The following SAMD4A variants were observed in gnomAD, a reference collection of about 807,000 sequenced individuals.
The protein encoded by SAMD4A is protein Smaug homolog 1.
A neutral mutation model predicts 81.3 loss-of-function variants in SAMD4A; 33 were observed. That is an observed-to-expected ratio of 0.41 (90% CI 0.31 to 0.54). SAMD4A has a LOEUF of 0.54. Among genes scored for constraint, SAMD4A ranks in the 20% least tolerant of loss-of-function variants. The pLI, the probability that SAMD4A is intolerant of heterozygous loss-of-function variation, is 0.37. For missense variants in SAMD4A, 854 were observed against 951.1 expected (o/e 0.90, Z 1.34); for synonymous variants, 389 against 382.1 (o/e 1.02, Z -0.21).
intron 2 of SAMD4A, among the ~76,000 whole-genome samples, chr14:54,673,192 TAA>T (rs1346897968): frequency 2.0e-5 from 3 of 152,136 alleles, no homozygotes; most frequent in African/African-American, 7.2e-5. Context: ...TGCTGAAGAG[TAA>T]AGTTTGCCCC....
chr14:54,733,694 C>G (rs965726883), intron 3 of SAMD4A, among the ~76,000 whole-genome samples: 1 of 152,112 alleles, frequency 6.6e-6, no homozygotes, highest in Admixed American at 6.5e-5. Flanking sequence ...GAACCGTTAG[C>G]CATTGTCTGC....
intron 3 of SAMD4A, among the ~76,000 whole-genome samples, chr14:54,713,959 A>C (rs1175134639): frequency 6.6e-6 from 1 of 152,222 alleles, no homozygotes; most frequent in African/African-American, 2.4e-5. Context: ...AATGAGAATA[A>C]ATTTCAGTAG....
intron 2 of SAMD4A, among the ~76,000 whole-genome samples, chr14:54,608,715 A>C (rs2034281368): frequency 6.6e-6 from 1 of 152,256 alleles, no homozygotes; most frequent in Non-Finnish European, 1.5e-5. Flanking sequence ...CATTCAGAGC[A>C]GCCCAACTGT....
intron 2 of SAMD4A, among the ~76,000 whole-genome samples, chr14:54,654,821 G>A (rs1215380446): frequency 1.3e-5 from 2 of 152,224 alleles, no homozygotes; most frequent in Non-Finnish European, 2.9e-5. Context: ...TCACTCCATG[G>A]TTGGTGCATC....
At chr14:54,684,581 C>T (rs2036205904) in intron 2 of SAMD4A, among the ~76,000 whole-genome samples, 1 of 151,992 alleles carries the variant, frequency 6.6e-6, no homozygotes, top group South Asian at 2.1e-4. Context: ...TCCCTGAGGG[C>T]CTGCCCTGTT....
chr14:54,756,461 T>C (rs2038241285), intron 6 of SAMD4A, among the ~76,000 whole-genome samples: 1 of 152,152 alleles, frequency 6.6e-6, no homozygotes, highest in South Asian at 2.1e-4. Flanking sequence ...TTCCCACAGC[T>C]CCCTGCCCTG....
At chr14:54,614,223 A>T (rs1419831887) in intron 2 of SAMD4A, among the ~76,000 whole-genome samples, 1 of 152,174 alleles carries the variant, frequency 6.6e-6, no homozygotes, top group Non-Finnish European at 1.5e-5. Flanking sequence ...GGAAAAGATA[A>T]TTTTTTTCAT....
At chr14:54,748,057 C>A (rs2038010001) in intron 4 of SAMD4A, among the ~76,000 whole-genome samples, 1 of 152,160 alleles carries the variant, frequency 6.6e-6, no homozygotes, top group African/African-American at 2.4e-5. Flanking sequence ...ATGGCCTAGC[C>A]AATCTTTGGG....
intron 2 of SAMD4A, among the ~76,000 whole-genome samples, chr14:54,675,399 C>T (rs938889915): frequency 9.6e-5 from 11 of 114,598 alleles, no homozygotes; most frequent in African/African-American, 3.3e-4. Flanking sequence ...GCAGAGAATC[C>T]CCTACCATGG....
intron 2 of SAMD4A, among the ~76,000 whole-genome samples, chr14:54,698,982 G>T (rs2036643347): frequency 6.6e-6 from 1 of 151,924 alleles, no homozygotes; most frequent in Non-Finnish European, 1.5e-5. Context: ...TCCAATCAGG[G>T]AAATGACCTA....
At chr14:54,739,055 C>CT (rs3051648) in intron 4 of SAMD4A, among the ~76,000 whole-genome samples, 1,382 of 97,350 alleles carry the variant, frequency 0.014, 67 homozygotes, top group African/African-American at 0.035. Context: ...CTTTCCTTTT[C>CT]TTTTTTTTTT....
At chr14:54,653,291 C>A (rs928364327) in intron 2 of SAMD4A, among the ~76,000 whole-genome samples, 1 of 143,526 alleles carries the variant, frequency 7.0e-6, no homozygotes, top group Non-Finnish European at 1.5e-5. Context: ...GCCCTCAAGA[C>A]TTCCTCTTAA....
chr14:54,609,355 C>T (rs2034299484), intron 2 of SAMD4A, among the ~76,000 whole-genome samples: 1 of 152,204 alleles, frequency 6.6e-6, no homozygotes, highest in Non-Finnish European at 1.5e-5. Flanking sequence ...GAGATTCTCC[C>T]CTAGAGCCTC....
chr14:54,687,333 C>T (rs575537478), intron 2 of SAMD4A: 5 of 456,596 alleles, frequency 1.1e-5, no homozygotes, highest in Admixed American at 4.7e-5. Flanking sequence ...TTCTTGGCAT[C>T]TCGGGGAGGA....
At chr14:54,753,065 A>G (rs558327867) in intron 6 of SAMD4A, among the ~76,000 whole-genome samples, 1 of 152,382 alleles carries the variant, frequency 6.6e-6, no homozygotes, top group Admixed American at 6.5e-5. Flanking sequence ...ATCGGGTTTT[A>G]TAACGAGACA....
At chr14:54,708,226 A>C (rs2036905991) in intron 3 of SAMD4A, among the ~76,000 whole-genome samples, 1 of 152,234 alleles carries the variant, frequency 6.6e-6, no homozygotes, top group Non-Finnish European at 1.5e-5. Flanking sequence ...TCCTGACAGA[A>C]TAAATGAAGG....
chr14:54,665,581 G>A (rs2035741113), intron 2 of SAMD4A, among the ~76,000 whole-genome samples: 2 of 152,186 alleles, frequency 1.3e-5, no homozygotes, highest in South Asian at 4.1e-4. Flanking sequence ...CTTTTAAGAA[G>A]GATAGATTTG....
At chr14:54,593,397 C>T (rs1446091163) in intron 2 of SAMD4A, among the ~76,000 whole-genome samples, 1 of 152,088 alleles carries the variant, frequency 6.6e-6, no homozygotes, top group Non-Finnish European at 1.5e-5. Flanking sequence ...TTTCTCCATC[C>T]ATCAACTATT....
In SAMD4A at chr14:54,668,075, C is replaced by G. The variant is rs190309091; in HGVS notation, c.197-33987C>G. ...ATCGGATTTCCGCCTCAAAAACTGCCCATTGTTTTATAACACACCAGCCCT... is the reference window on the plus strand; with the variant it reads ...ATCGGATTTCCGCCTCAAAAACTGCGCATTGTTTTATAACACACCAGCCCT... On this transcript the variant is annotated intron_variant, in intron 2 of 12. Coordinates refer to ENST00000554335, the MANE Select transcript of SAMD4A (RefSeq NM_015589.6). Among the ~76,000 whole-genome samples, 12 of 152,322 alleles carry G rather than the reference C, an allele frequency of 7.9e-5. No homozygotes were observed. The East Asian group carries it at 9.6e-4, about 12-fold the overall frequency.
Sources: gnomAD v4.1 joint callset for allele counts (sites outside exome capture counted in the v4.1 genomes callset) on GRCh38, gnomAD v4.1.1 for gene constraint, MANE v1.5 for transcripts, NCBI Gene and HGNC (gene_info 2026-07-23, HGNC 2026-07-21) for gene names.